Variants in COL5A3 observed in about 807,000 individuals in gnomAD.
COL5A3 encodes the protein collagen alpha-3(V) chain.
In COL5A3, 172 loss-of-function variants were observed where a neutral mutation model predicts 250.0. The observed-to-expected ratio is 0.69, with a 90% CI of 0.61 to 0.78. The LOEUF (loss-of-function observed/expected upper bound fraction) is 0.78, where lower values mean the gene tolerates loss of function less well. Among genes scored for constraint, COL5A3 ranks in the 30% least tolerant of loss-of-function variants. COL5A3 has a pLI of 0.00. For missense variants in COL5A3, 2,340 were observed against 2,334.4 expected, an observed-to-expected ratio of 1.00 and a Z score of -0.05; for synonymous variants, 937 against 900.4, an observed-to-expected ratio of 1.04 and a Z score of -0.73.
At chr19:9,994,559 C>CATATATATATATAT (rs57642882) in intron 16 of COL5A3, among the ~76,000 whole-genome samples, 5 of 70,718 alleles carry the variant, frequency 7.1e-5, no homozygotes, top group African/African-American at 1.1e-4. Context: ...ATATGTTTTA[C>CATATATATATATAT]ATATATATAT....
intron 24 of COL5A3, among the ~76,000 whole-genome samples, chr19:9,990,864 A>G (rs954566090): frequency 6.6e-6 from 1 of 152,108 alleles, no homozygotes; most frequent in African/African-American, 2.4e-5. Flanking sequence ...CACCTGACCA[A>G]TAAAATTAAA....
rs371598220 is a variant in COL5A3 at position 10,009,930 on chromosome 19, C to T, written c.88+368G>A. 1.2e-4 allele frequency among the ~76,000 whole-genome samples: 18 copies of T among 152,232 alleles called. 1 individual carries two copies. In the East Asian group the frequency reaches 1.7e-3, roughly 15 times the overall value. On this transcript the variant is annotated intron_variant, in intron 1 of 66. Transcript: ENST00000264828. This position sits in a 1 kb window ranked among gnomAD's most constrained non-coding sequence, Gnocchi z 4.4. ...CATACTCACCTGTCGCAATACACAC[C>T]GTCCCAGCACTGCCCTGTCACTCAC...
rs764981513 is a variant in COL5A3, at chr19:10,005,689, C to T, written c.463G>A (p.Asp155Asn). 1 of 1,612,182 alleles carries T rather than the reference C, an allele frequency of 6.2e-7. No individual in the cohort carries two copies. Among genetic ancestry groups the T allele is most frequent in the East Asian group, 2.2e-5 (1 of 44,846 alleles). The change falls in exon 4 of 67, where the codon GAT becomes AAT. Residue 155 changes from aspartate (D) to asparagine (N), a missense_variant. By Grantham distance (23) the Asp-to-Asn change is conservative. Coordinates refer to ENST00000264828, the MANE Select transcript of COL5A3 (RefSeq NM_015719.4). ...GRWHRVAVSI[D>N]GEMVTLVADC... ...GCTACCAGGGTCACCATCTCACCAT[C>T]TATGCTGACGGCCACACGGTGCCAC... is the stretch of plus-strand genomic sequence containing the variant.
chr19:9,964,854 TAAAAAAAAAAAAAAAAAAAAAA>T lies in COL5A3; in HGVS notation c.4782+1438_4782+1459del, dbSNP rs57037583. 1.8e-3 allele frequency among the ~76,000 whole-genome samples: 87 copies of T among 49,004 alleles called. 3 individuals are homozygous for T. Among genetic ancestry groups the T allele is most frequent in the Admixed American group, 6.2e-3 (18 of 2,890 alleles). 32.1% of individuals were successfully genotyped at this position (49,004 alleles called of 152,430 possible). On this transcript the variant is annotated intron_variant, in intron 64 of 66. Transcript: ENST00000264828. ...CAACGTAGTGAAACCCCATCTCTAC[TAAAAAAAAAAAAAAAAAAAAAA>T]AAAAAAAAAAAAAAAAAAAAAAATC...
intron 16 of COL5A3, among the ~76,000 whole-genome samples, chr19:9,994,236 G>A (rs1448200322): frequency 6.8e-6 from 1 of 146,688 alleles, no homozygotes; most frequent in African/African-American, 2.5e-5. Flanking sequence ...CTGGAGTGCA[G>A]TGGCATGATC....
In COL5A3 at chr19:9,983,728, AAAG is replaced by A. The variant is rs1344951688; in HGVS notation, c.2407-1613_2407-1611del. Among the ~76,000 whole-genome samples, 3 of 151,168 alleles carry A rather than the reference AAAG, an allele frequency of 2.0e-5. No individual in the cohort carries two copies. The East Asian group carries it at 5.9e-4, about 30-fold the overall frequency. On this transcript the variant is annotated intron_variant, in intron 31 of 66. Transcript: ENST00000264828. ...GAAAAAAGAAGGAAAAGAAAAGAAA[AAAG>A]AGGGGGACGCAGTGAGGGAGGGAGG...
In COL5A3 at chr19:9,977,756, G is replaced by A. The variant is rs888898826; in HGVS notation, c.3019-55C>T. On this transcript the variant is annotated intron_variant, in intron 41 of 66. Coordinates refer to ENST00000264828, the MANE Select transcript of COL5A3 (RefSeq NM_015719.4). ...ATACCAGTAGTAGCTGTCCTTTATGGAGGGTTTTTAAGCCACCAGGCACTG... is the reference window on the plus strand; with the variant it reads ...ATACCAGTAGTAGCTGTCCTTTATGAAGGGTTTTTAAGCCACCAGGCACTG... 6 of 1,391,738 alleles carry A rather than the reference G, an allele frequency of 4.3e-6. No individual in the cohort carries two copies. The African/African-American group carries it at 8.7e-5, about 20-fold the overall frequency. The allele number at this position is 1,391,738 out of a possible 1,614,324, so 86.2% of individuals were successfully genotyped here. A position where few individuals can be genotyped will look rare whatever the true frequency, so the allele number is the denominator to read the frequency against.
intron 30 of COL5A3, 80 bp from the exon 31 acceptor site, chr19:9,985,975 G>A (rs1401799690): frequency 4.8e-6 from 6 of 1,245,238 alleles, no homozygotes; most frequent in African/African-American, 4.4e-5. Flanking sequence ...GCTGGGGCAT[G>A]GTGAATGGGC....
intron 30 of COL5A3, 51 bp downstream of exon 30, chr19:9,986,264 A>C: frequency 6.3e-6 from 8 of 1,264,614 alleles, no homozygotes; most frequent in Non-Finnish European, 8.7e-6. Context: ...CAGAGGGAAA[A>C]GATTGGGGAC....
At chr19:9,994,090 A>T (rs117342518) in intron 16 of COL5A3, among the ~76,000 whole-genome samples, 1,926 of 152,152 alleles carry the variant, frequency 0.013, 20 homozygotes, top group Non-Finnish European at 0.018. Flanking sequence ...CAAACTCCTG[A>T]ATGCAAGCGA....
chr19:9,967,784 G>T, intron 61 of COL5A3, 120 bp downstream of exon 61: 2 of 996,750 alleles, frequency 2.0e-6, no homozygotes, highest in African/African-American at 1.6e-5. Context: ...ATAAATATTT[G>T]TCGAACGCAC....
Position 9,968,560 on chromosome 19 carries a change from C to A in COL5A3, c.4207-68G>T. On this transcript the variant is annotated intron_variant, in intron 58 of 66. Coordinates refer to ENST00000264828, the MANE Select transcript of COL5A3 (RefSeq NM_015719.4). The surrounding 1 kb of genome is among the most constrained non-coding windows in gnomAD (Gnocchi z 4.1). ...ATTCAGGGAGGTTTTTCTCCTAGAG[C>A]CTTAGGGTGATGAGTTTGGGAGCAG... The A allele has an allele frequency of 6.3e-7, 1 of 1,579,454 alleles. No individual in the cohort carries two copies. The highest frequency in any genetic ancestry group is 1.8e-5 in the Admixed American group (1 of 55,238).
intron 65 of COL5A3, among the ~76,000 whole-genome samples, chr19:9,962,272 A>G (rs1306578225): frequency 3.3e-5 from 5 of 151,946 alleles, no homozygotes; most frequent in African/African-American, 1.2e-4. Flanking sequence ...ATGTCTGGCT[A>G]ATTTTTTGTA....
rs766416887 is a variant in COL5A3, at chr19:9,989,505, T to A, written c.2010A>T (p.Pro670=). ...CGGATCCTGGGAGGCCTGGAATTCC[T>A]GGGTTTCCAGGGGGACCCTGAAAGA... ...TPGEKGPPGN[P]GIPGLPGSDG... The change falls in exon 25 of 67, where the codon CCA becomes CCT. Residue 670 remains proline, a synonymous_variant. Coordinates refer to ENST00000264828, the MANE Select transcript of COL5A3 (RefSeq NM_015719.4). 83 of 1,612,666 alleles carry A rather than the reference T, an allele frequency of 5.1e-5. 1 individual carries two copies. In the South Asian group the frequency reaches 8.9e-4, roughly 17 times the overall value.
chr19:9,975,347 T>C (rs1278410632), intron 45 of COL5A3, among the ~76,000 whole-genome samples: 1 of 152,110 alleles, frequency 6.6e-6, no homozygotes, highest in Non-Finnish European at 1.5e-5. Context: ...CCCAAAGTAC[T>C]AGGATTACAG....
intron 11 of COL5A3, chr19:9,997,167 G>C: frequency 3.3e-6 from 2 of 606,218 alleles, no homozygotes; most frequent in South Asian, 3.9e-5. Context: ...GGCAAAAGAA[G>C]AAAAGCAAAG....
intron 55 of COL5A3, 26 bp downstream of exon 55, chr19:9,969,843 C>T (rs760740081): frequency 6.2e-7 from 1 of 1,613,228 alleles, no homozygotes; most frequent in South Asian, 1.1e-5. Flanking sequence ...AGTGCAGGGA[C>T]CCTTCCCCTT....
intron 65 of COL5A3, among the ~76,000 whole-genome samples, chr19:9,962,239 T>C (rs2086684548): frequency 6.6e-6 from 1 of 152,134 alleles, no homozygotes; most frequent in South Asian, 2.1e-4. Flanking sequence ...CCTGAGTAGC[T>C]GGGATTACAG....
In COL5A3 at chr19:9,993,401, G is replaced by A; in HGVS notation, c.1728C>T (p.Pro576=). ...TTACCCTCTCACCATCCTCTCCTGG[G>A]GGACCGGGTTGCCCCACATGGCCAA... ...GDFGHVGQPG[P]PGEDGERGAE... is the part of the protein sequence containing the mutation. Residue 576 remains proline (P), a synonymous_variant, in exon 19 of 67, where the codon CCC becomes CCT. Transcript: ENST00000264828. 1 of 1,614,136 alleles carries A rather than the reference G, an allele frequency of 6.2e-7. No homozygotes were observed.
Sources: allele counts gnomAD v4.1 joint callset (sites outside exome capture counted in the v4.1 genomes callset), GRCh38; gene constraint gnomAD v4.1.1; non-coding constraint Gnocchi (gnomAD v3.1); transcripts MANE v1.5; gene names NCBI Gene and HGNC (gene_info 2026-07-23, HGNC 2026-07-21).